Variants in LMX1B observed in about 807,000 individuals in gnomAD.
The protein encoded by LMX1B is LIM homeobox transcription factor 1-beta.
LMX1B carries 12 observed loss-of-function variants against 51.4 expected under a neutral mutation model. That is an observed-to-expected ratio of 0.23 (90% CI 0.15 to 0.38). LMX1B has a LOEUF of 0.38. Among genes scored for constraint, LMX1B ranks in the 10% least tolerant of loss-of-function variants. LMX1B has a pLI of 1.00. For synonymous variants in LMX1B, 237 were observed against 235.4 expected, an observed-to-expected ratio of 1.01 and a Z score of -0.06; for missense variants, 445 against 571.1, an observed-to-expected ratio of 0.78 and a Z score of 2.25.
At chr9:126,636,937 C>A (rs1016512924) in intron 2 of LMX1B, among the ~76,000 whole-genome samples, 3 of 152,212 alleles carry the variant, frequency 2.0e-5, no homozygotes, top group African/African-American at 7.2e-5. Flanking sequence ...GAGGTGGCAT[C>A]TCTCTGGCCA....
rs1000126776 is a variant in LMX1B at position 126,614,115 on chromosome 9, G to GCCA, written c.-332_-330dup. Among the ~76,000 whole-genome samples the GCCA allele has an allele frequency of 9.3e-6, 1 of 108,090 alleles. No homozygotes were observed. Among genetic ancestry groups the GCCA allele is most frequent in the African/African-American group, 3.4e-5 (1 of 29,424 alleles). 70.9% of individuals were successfully genotyped at this position (108,090 alleles called of 152,430 possible). A position where few individuals can be genotyped will look rare whatever the true frequency, so the allele number is the denominator to read the frequency against. Reference sequence around the variant, plus strand: ...TCCCCCGCCTGCCGCCGCCGCCACCGCCACCGCCGCCGCCGCCTCCTCCCC... The same window carrying GCCA: ...TCCCCCGCCTGCCGCCGCCGCCACCGCCACCACCGCCGCCGCCGCCTCCTCCCC... On this transcript the variant is annotated 5_prime_UTR_variant, in exon 1 of 8. Coordinates refer to ENST00000373474, the MANE Select transcript of LMX1B (RefSeq NM_001174147.2).
intron 2 of LMX1B, among the ~76,000 whole-genome samples, chr9:126,655,013 G>A (rs1407900854): frequency 6.6e-6 from 1 of 152,210 alleles, no homozygotes; most frequent in Non-Finnish European, 1.5e-5. Context: ...GTTGCTTCCT[G>A]TTGTGACCTG....
intron 6 of LMX1B, among the ~76,000 whole-genome samples, chr9:126,694,267 C>T (rs2030251000): frequency 6.6e-6 from 1 of 152,144 alleles, no homozygotes; most frequent in Non-Finnish European, 1.5e-5. Context: ...TTGCCATGTC[C>T]CATTTCACAG....
chr9:126,653,083 C>T (rs976009805), intron 2 of LMX1B, among the ~76,000 whole-genome samples: 2 of 151,256 alleles, frequency 1.3e-5, no homozygotes, highest in Non-Finnish European at 2.9e-5. Context: ...TAAAACACAT[C>T]CCCCCATCCC....
intron 2 of LMX1B, among the ~76,000 whole-genome samples, chr9:126,689,402 C>T (rs1035044754): frequency 6.6e-6 from 1 of 152,218 alleles, no homozygotes; most frequent in Admixed American, 6.5e-5. Flanking sequence ...AATCTGTGCC[C>T]GTGATGGTGG....
At chr9:126,664,410 G>T (rs577559493) in intron 2 of LMX1B, among the ~76,000 whole-genome samples, 2 of 152,208 alleles carry the variant, frequency 1.3e-5, no homozygotes, top group Admixed American at 6.5e-5. Flanking sequence ...CCCAGGGATG[G>T]GGGGGAGGCA....
chr9:126,665,772 C>T (rs977017647), intron 2 of LMX1B, among the ~76,000 whole-genome samples: 1 of 152,240 alleles, frequency 6.6e-6, no homozygotes, highest in East Asian at 1.9e-4. Flanking sequence ...CCGGGTAGCC[C>T]GCTACCTCGG....
At chr9:126,663,577 A>C (rs995967796) in intron 2 of LMX1B, among the ~76,000 whole-genome samples, 3 of 152,270 alleles carry the variant, frequency 2.0e-5, no homozygotes, top group African/African-American at 7.2e-5. Context: ...GGATAATAGT[A>C]ACCCTTGTCT....
intron 2 of LMX1B, among the ~76,000 whole-genome samples, chr9:126,681,920 A>AATG (rs1836682185): frequency 6.6e-6 from 1 of 150,596 alleles, no homozygotes. Context: ...AAATAATAAT[A>AATG]ATAAAATAAA....
chr9:126,659,419 GC>G (rs1310340897), intron 2 of LMX1B, among the ~76,000 whole-genome samples: 1 of 152,250 alleles, frequency 6.6e-6, no homozygotes, highest in Non-Finnish European at 1.5e-5. Flanking sequence ...CTGGGCCAGG[GC>G]TAGGTCGGCC....
intron 2 of LMX1B, among the ~76,000 whole-genome samples, chr9:126,652,786 A>G (rs1174738672): frequency 6.6e-6 from 1 of 152,192 alleles, no homozygotes; most frequent in East Asian, 1.9e-4. Context: ...TGTGGGAACA[A>G]GGGGATGGGT....
At chr9:126,656,391 A>C (rs1464690924) in intron 2 of LMX1B, among the ~76,000 whole-genome samples, 3 of 84,140 alleles carry the variant, frequency 3.6e-5, no homozygotes, top group South Asian at 9.7e-4. Context: ...CTTTAGATAG[A>C]TAGATAGATA....
intron 2 of LMX1B, among the ~76,000 whole-genome samples, chr9:126,617,962 G>C (rs897007725): frequency 3.9e-5 from 6 of 152,012 alleles, no homozygotes; most frequent in African/African-American, 7.2e-5. Flanking sequence ...CCAGTGAGTC[G>C]TTTCACAGGG....
intron 2 of LMX1B, among the ~76,000 whole-genome samples, chr9:126,642,427 A>T (rs895433226): frequency 1.3e-5 from 2 of 151,932 alleles, no homozygotes; most frequent in African/African-American, 2.4e-5. Flanking sequence ...CTTCAGTGCC[A>T]CCCACACTCC....
At chr9:126,652,471 C>G (rs936725275) in intron 2 of LMX1B, among the ~76,000 whole-genome samples, 6 of 152,250 alleles carry the variant, frequency 3.9e-5, no homozygotes, top group African/African-American at 1.4e-4. Flanking sequence ...GGGGCTGGCT[C>G]CAGGGTGTGT....
intron 2 of LMX1B, among the ~76,000 whole-genome samples, chr9:126,633,794 G>A (rs1473992701): frequency 6.6e-6 from 1 of 152,192 alleles, no homozygotes; most frequent in Non-Finnish European, 1.5e-5. Context: ...ACCCTGTGCA[G>A]CCACTGATTT....
In LMX1B at chr9:126,638,230, G is replaced by T. The variant is rs916078149; in HGVS notation, c.326+22661G>T. 1.3e-5 allele frequency among the ~76,000 whole-genome samples: 2 copies of T among 152,160 alleles called. 1 individual carries two copies. Among genetic ancestry groups the T allele is most frequent in the South Asian group, 4.1e-4 (2 of 4,830 alleles). On this transcript the variant is annotated intron_variant, in intron 2 of 7. Transcript: ENST00000373474. ...TCCCGACAGGAATGCTCCGGTGGGGGTGCCCTGCTGCTGTGCCCTCCCAGG... is the reference window on the plus strand; with the variant it reads ...TCCCGACAGGAATGCTCCGGTGGGGTTGCCCTGCTGCTGTGCCCTCCCAGG...
At chr9:126,683,426 C>CGGCA (rs1352410679) in intron 2 of LMX1B, among the ~76,000 whole-genome samples, 1 of 152,160 alleles carries the variant, frequency 6.6e-6, no homozygotes, top group Non-Finnish European at 1.5e-5. Context: ...GATAAGGACG[C>CGGCA]GGCAGGCACG....
intron 2 of LMX1B, among the ~76,000 whole-genome samples, chr9:126,686,865 A>G (rs1481994067): frequency 6.6e-6 from 1 of 152,254 alleles, no homozygotes; most frequent in Non-Finnish European, 1.5e-5. Context: ...GAGGTGATGC[A>G]GGCAGCTGAT....
Sources: allele counts gnomAD v4.1 joint callset (sites outside exome capture counted in the v4.1 genomes callset), GRCh38; gene constraint gnomAD v4.1.1; transcripts MANE v1.5; gene names NCBI Gene and HGNC (gene_info 2026-07-23, HGNC 2026-07-21).